The following MDGA2 variants were observed in gnomAD, a reference collection of about 807,000 sequenced individuals.
MDGA2 encodes MAM domain-containing glycosylphosphatidylinositol anchor protein 2.
A neutral mutation model predicts 117.8 loss-of-function variants in MDGA2; 40 were observed. That is an observed-to-expected ratio of 0.34 (90% CI 0.26 to 0.44). The LOEUF (loss-of-function observed/expected upper bound fraction) is 0.44. Among genes scored for constraint, MDGA2 ranks in the 20% least tolerant of loss-of-function variants. The pLI, the probability that MDGA2 is intolerant of heterozygous loss-of-function variation, is 1.00. For missense variants in MDGA2, 1,123 were observed against 1,250.6 expected (o/e 0.90, Z 1.54); for synonymous variants, 452 against 439.0 (o/e 1.03, Z -0.37).
intron 1 of MDGA2, among the ~76,000 whole-genome samples, chr14:47,330,390 C>A (rs1890259977): frequency 6.6e-6 from 1 of 151,580 alleles, no homozygotes; most frequent in Non-Finnish European, 1.5e-5. Context: ...CTGGGATATA[C>A]AAAGAAATGC....
chr14:47,477,646 A>G (rs1893871808), intron 1 of MDGA2, among the ~76,000 whole-genome samples: 2 of 152,180 alleles, frequency 1.3e-5, no homozygotes, highest in African/African-American at 4.8e-5. Flanking sequence ...ATTATATGTA[A>G]TATTTGACCA....
At chr14:46,854,949 T>C in intron 15 of MDGA2, 75 bp downstream of exon 15, 2 of 1,252,826 alleles carry the variant, frequency 1.6e-6, no homozygotes, top group South Asian at 1.7e-5. Flanking sequence ...ATTCATATTT[T>C]AATATTTGCT....
intron 4 of MDGA2, among the ~76,000 whole-genome samples, chr14:47,143,641 C>T (rs906101170): frequency 1.3e-5 from 2 of 152,092 alleles, no homozygotes; most frequent in Admixed American, 6.6e-5. Context: ...AAATTAAAGA[C>T]ATATCTTTCC....
intron 2 of MDGA2, among the ~76,000 whole-genome samples, chr14:47,245,559 A>G (rs1398487429): frequency 1.3e-5 from 2 of 151,760 alleles, no homozygotes; most frequent in African/African-American, 2.4e-5. Context: ...AAAGGACTTC[A>G]AAGTGCCTTC....
chr14:47,205,080 T>G (rs926305601), intron 3 of MDGA2, among the ~76,000 whole-genome samples: 1 of 151,908 alleles, frequency 6.6e-6, no homozygotes, highest in Non-Finnish European at 1.5e-5. Context: ...CATACATATA[T>G]AGTTCGTTTC....
In MDGA2 at chr14:46,841,699, C is replaced by T; in HGVS notation, c.*232G>A. 1 of 258,096 alleles carries T rather than the reference C, an allele frequency of 3.9e-6. No homozygotes were observed. The highest frequency in any genetic ancestry group is 7.2e-6 in the Non-Finnish European group (1 of 138,638). The allele number at this position is 258,096 out of a possible 1,614,324, so 16.0% of individuals were successfully genotyped here. A position where few individuals can be genotyped will look rare whatever the true frequency, so the allele number is the denominator to read the frequency against. On this transcript the variant is annotated 3_prime_UTR_variant, in exon 17 of 17. Coordinates refer to ENST00000399232, the MANE Select transcript of MDGA2 (RefSeq NM_001113498.3). ...TTTAGCCACAAAAGCACCTGAAGGT[C>T]TCTTCTCTACTCAGGTCAAGATTAT...
At chr14:47,298,878 G>A (rs1594781319) in intron 2 of MDGA2, among the ~76,000 whole-genome samples, 1 of 151,830 alleles carries the variant, frequency 6.6e-6, no homozygotes, top group East Asian at 1.9e-4. Context: ...AGTAGAGACA[G>A]GGTTTCACCA....
In MDGA2 at chr14:47,060,197, T is replaced by C. The variant is rs944715922; in HGVS notation, c.1525+1052A>G. 3.3e-5 allele frequency among the ~76,000 whole-genome samples: 5 copies of C among 152,144 alleles called. No homozygotes were observed. In the East Asian group the frequency reaches 5.8e-4, roughly 18 times the overall value. ...CCCTAATTTCCTTTTGTTTTAGTGATAGATGATAAAAATTGAATATCTTCT... is the reference window on the plus strand; with the variant it reads ...CCCTAATTTCCTTTTGTTTTAGTGACAGATGATAAAAATTGAATATCTTCT... On this transcript the variant is annotated intron_variant, in intron 7 of 16. Coordinates refer to ENST00000399232, the MANE Select transcript of MDGA2 (RefSeq NM_001113498.3).
intron 8 of MDGA2, among the ~76,000 whole-genome samples, chr14:47,020,881 G>T (rs1177850759): frequency 6.7e-6 from 1 of 149,540 alleles, no homozygotes; most frequent in Non-Finnish European, 1.5e-5. Context: ...TGTACTTTCA[G>T]GAAGAAAAAA....
intron 1 of MDGA2, among the ~76,000 whole-genome samples, chr14:47,650,732 A>AATAAAT (rs1897625072): frequency 6.6e-6 from 1 of 152,244 alleles, no homozygotes; most frequent in Non-Finnish European, 1.5e-5. Context: ...ATTATTGTAA[A>AATAAAT]ATAAAAATAT....
intron 7 of MDGA2, among the ~76,000 whole-genome samples, chr14:47,057,585 TG>T (rs1427433280): frequency 8.4e-5 from 9 of 107,422 alleles, no homozygotes; most frequent in African/African-American, 2.7e-4. Flanking sequence ...CCAAAACACA[TG>T]AGGCCTCTCT....
At chr14:47,628,332 C>T (rs1247607551) in intron 1 of MDGA2, among the ~76,000 whole-genome samples, 4 of 152,232 alleles carry the variant, frequency 2.6e-5, no homozygotes, top group African/African-American at 9.6e-5. Flanking sequence ...TCTGCCTCTA[C>T]ATCCTCCATA....
At chr14:47,498,723 G>T (rs1894334945) in intron 1 of MDGA2, among the ~76,000 whole-genome samples, 1 of 152,008 alleles carries the variant, frequency 6.6e-6, no homozygotes, top group Admixed American at 6.6e-5. Flanking sequence ...AAATAAAGGG[G>T]CCCAATGCTT....
intron 9 of MDGA2, among the ~76,000 whole-genome samples, 180 bp downstream of exon 9, chr14:46,957,194 C>G (rs1885596251): frequency 6.6e-6 from 1 of 152,130 alleles, no homozygotes; most frequent in Admixed American, 6.6e-5. Context: ...CCTGTGCATT[C>G]TTTTAACTAT....
chr14:47,423,804 A>T (rs1215217532), intron 1 of MDGA2, among the ~76,000 whole-genome samples: 1 of 151,524 alleles, frequency 6.6e-6, no homozygotes, highest in African/African-American at 2.4e-5. Context: ...TATTTATTTT[A>T]TTTTATTTTA....
At chr14:47,031,293 A>G (rs1159152769) in intron 8 of MDGA2, among the ~76,000 whole-genome samples, 2 of 151,946 alleles carry the variant, frequency 1.3e-5, no homozygotes, top group African/African-American at 2.4e-5. Context: ...TGTCCTACAT[A>G]CAATTCATTC....
chr14:47,225,505 T>C (rs1278403163), intron 2 of MDGA2, among the ~76,000 whole-genome samples: 3 of 151,868 alleles, frequency 2.0e-5, no homozygotes, highest in Admixed American at 6.6e-5. Flanking sequence ...GTTCATGTCC[T>C]TTGTAGGGAC....
intron 3 of MDGA2, among the ~76,000 whole-genome samples, chr14:47,181,807 A>C (rs1276504308): frequency 2.6e-5 from 4 of 152,186 alleles, no homozygotes; most frequent in African/African-American, 9.6e-5. Flanking sequence ...ACCAATATAC[A>C]TCATGAGCTA....
chr14:47,309,010 C>T (rs889817532), intron 1 of MDGA2, among the ~76,000 whole-genome samples: 3 of 152,052 alleles, frequency 2.0e-5, no homozygotes, highest in South Asian at 2.1e-4. Flanking sequence ...ACAATAAAGA[C>T]TATTCTTTTA....
Sources: gnomAD v4.1 joint callset for allele counts (sites outside exome capture counted in the v4.1 genomes callset) on GRCh38, gnomAD v4.1.1 for gene constraint, MANE v1.5 for transcripts, NCBI Gene and HGNC (gene_info 2026-07-23, HGNC 2026-07-21) for gene names.